Variants in NEK11 observed in about 807,000 individuals in gnomAD.
NEK11 encodes NIMA related kinase 11.
Under a neutral mutation model 80.7 loss-of-function variants are expected in NEK11, and 72 were observed. The ratio of observed to expected loss-of-function variants is 0.89; its 90% CI spans 0.74 to 1.08. NEK11 has a LOEUF of 1.08. Among genes scored for constraint, NEK11 ranks in the 50% least tolerant of loss-of-function variants. The pLI is 0.00. For synonymous variants in NEK11, 251 were observed against 260.7 expected (o/e 0.96, Z 0.36); for missense variants, 764 against 763.6 (o/e 1.00, Z -0.01).
At chr3:131,213,191 C>CCA (rs3050805) in intron 14 of NEK11, among the ~76,000 whole-genome samples, 80,017 of 148,950 alleles carry the variant, frequency 0.54, 21,554 homozygotes, top group Middle Eastern at 0.73. Flanking sequence ...CCACCCATCT[C>CCA]CACACACACA....
chr3:131,238,133 T>C (rs1168427659), intron 15 of NEK11, among the ~76,000 whole-genome samples: 7 of 152,106 alleles, frequency 4.6e-5, no homozygotes. Context: ...AATGATTTGC[T>C]CCCTCCCTGT....
At chr3:131,249,366 G>A (rs1210770384) in intron 16 of NEK11, among the ~76,000 whole-genome samples, 2 of 152,054 alleles carry the variant, frequency 1.3e-5, no homozygotes, top group Admixed American at 6.6e-5. Flanking sequence ...TACCGCTGAA[G>A]GCATGGTATA....
intron 5 of NEK11, among the ~76,000 whole-genome samples, chr3:131,121,969 G>A (rs576783032): frequency 1.3e-5 from 2 of 152,278 alleles, no homozygotes; most frequent in Admixed American, 6.5e-5. Context: ...TTCAGCTCAC[G>A]CTCTGTGGGC....
intron 3 of NEK11, among the ~76,000 whole-genome samples, chr3:131,048,625 A>G (rs1384846531): frequency 6.6e-6 from 1 of 152,182 alleles, no homozygotes; most frequent in African/African-American, 2.4e-5. Flanking sequence ...TTGGGCACTC[A>G]GAGTGTTTTG....
intron 7 of NEK11, among the ~76,000 whole-genome samples, chr3:131,145,206 A>G (rs1486757982): frequency 6.6e-6 from 1 of 152,008 alleles, no homozygotes; most frequent in Non-Finnish European, 1.5e-5. Context: ...CAGTCTTGCT[A>G]TGTTGCCCAG....
intron 16 of NEK11, among the ~76,000 whole-genome samples, chr3:131,260,141 A>G (rs1237370359): frequency 6.6e-6 from 1 of 152,088 alleles, no homozygotes; most frequent in Non-Finnish European, 1.5e-5. Context: ...GGAAGACATA[A>G]TGATCACCCC....
At chr3:131,077,969 G>A (rs1170678788) in intron 3 of NEK11, among the ~76,000 whole-genome samples, 1 of 152,186 alleles carries the variant, frequency 6.6e-6, no homozygotes, top group African/African-American at 2.4e-5. Flanking sequence ...TAAAACCAAT[G>A]TGAAAACACG....
intron 3 of NEK11, among the ~76,000 whole-genome samples, chr3:131,071,445 C>T (rs183228656): frequency 5.9e-5 from 9 of 151,442 alleles, no homozygotes; most frequent in Admixed American, 5.3e-4. Context: ...TTTTGATTGG[C>T]GAATCATCCA....
intron 16 of NEK11, among the ~76,000 whole-genome samples, chr3:131,245,563 A>G (rs1037872211): frequency 6.6e-6 from 1 of 152,146 alleles, no homozygotes; most frequent in African/African-American, 2.4e-5. Flanking sequence ...CTACCAAAAT[A>G]CTGTATAAAT....
chr3:131,079,701 A>G (rs947353469), intron 3 of NEK11, among the ~76,000 whole-genome samples: 1 of 152,164 alleles, frequency 6.6e-6, no homozygotes, highest in Non-Finnish European at 1.5e-5. Context: ...CTCTTCTTTC[A>G]TTTATACATG....
At chr3:131,292,750 A>C (rs1158398153) in intron 17 of NEK11, among the ~76,000 whole-genome samples, 1 of 152,080 alleles carries the variant, frequency 6.6e-6, no homozygotes, top group East Asian at 1.9e-4. Context: ...CCATTTTTTT[A>C]GTTCTTCTTT....
At chr3:131,332,643 A>G (rs1318358563) in intron 17 of NEK11, among the ~76,000 whole-genome samples, 4 of 152,256 alleles carry the variant, frequency 2.6e-5, no homozygotes, top group Non-Finnish European at 5.9e-5. Flanking sequence ...CTGAGAGAAG[A>G]AGGCTTCAGA....
At chr3:131,136,082 C>A (rs1212757555) in intron 7 of NEK11, among the ~76,000 whole-genome samples, 3 of 151,732 alleles carry the variant, frequency 2.0e-5, no homozygotes, top group African/African-American at 7.3e-5. Context: ...GCCAAAACCT[C>A]CAAAATATAC....
chr3:131,138,282 G>A (rs923877344), intron 7 of NEK11, among the ~76,000 whole-genome samples: 3 of 152,172 alleles, frequency 2.0e-5, no homozygotes, highest in African/African-American at 7.2e-5. Flanking sequence ...AATGTTCCCT[G>A]TAGGCCTGTA....
At chr3:131,234,379 A>G (rs1231621157) in intron 15 of NEK11, among the ~76,000 whole-genome samples, 1 of 152,244 alleles carries the variant, frequency 6.6e-6, no homozygotes, top group Non-Finnish European at 1.5e-5. Context: ...ACTTGGGAAG[A>G]AACACTTTTT....
chr3:131,193,341 T>C (rs2093876007), intron 14 of NEK11, among the ~76,000 whole-genome samples: 1 of 152,122 alleles, frequency 6.6e-6, no homozygotes. Context: ...GCAAATAACA[T>C]ATTGGTATTG....
chr3:131,090,988 T>C (rs2076659235), intron 4 of NEK11, among the ~76,000 whole-genome samples: 1 of 152,192 alleles, frequency 6.6e-6, no homozygotes, highest in South Asian at 2.1e-4. Context: ...GGTTTCAAGC[T>C]CCTGGCATTA....
chr3:131,040,710 G>T (rs1050303472), intron 3 of NEK11, among the ~76,000 whole-genome samples: 2 of 152,076 alleles, frequency 1.3e-5, no homozygotes, highest in African/African-American at 2.4e-5. Context: ...CCTTTATTGG[G>T]CAAGTGAAGA....
intron 17 of NEK11, among the ~76,000 whole-genome samples, chr3:131,339,682 C>G (rs750788516): frequency 1.2e-4 from 19 of 152,174 alleles, no homozygotes; most frequent in Non-Finnish European, 2.5e-4. Flanking sequence ...TGCTTCCCTT[C>G]CCTAAGAGGA....
Sources: allele counts gnomAD v4.1 joint callset (sites outside exome capture counted in the v4.1 genomes callset), GRCh38; gene constraint gnomAD v4.1.1; transcripts MANE v1.5; gene names NCBI Gene and HGNC (gene_info 2026-07-23, HGNC 2026-07-21).